The following FYCO1 variants were observed in gnomAD, a reference collection of about 807,000 sequenced individuals.
FYCO1 encodes the protein FYVE and coiled-coil domain autophagy adaptor 1.
Under a neutral mutation model 165.1 loss-of-function variants are expected in FYCO1, and 122 were observed. The observed-to-expected ratio is 0.74, with a 90% CI of 0.64 to 0.86. FYCO1 has a LOEUF of 0.86. Among genes scored for constraint, FYCO1 ranks in the 40% least tolerant of loss-of-function variants. The pLI, the probability that FYCO1 is intolerant of heterozygous loss-of-function variation, is 0.00. For missense variants in FYCO1, 1,702 were observed against 1,810.3 expected (o/e 0.94, Z 1.09); for synonymous variants, 648 against 742.5 (o/e 0.87, Z 2.07).
At chr3:45,992,369 A>C (rs983970870) in intron 1 of FYCO1, among the ~76,000 whole-genome samples, 3 of 152,196 alleles carry the variant, frequency 2.0e-5, no homozygotes, top group Admixed American at 6.5e-5. Context: ...AGCAGGACCC[A>C]GGATGGCTCT....
intron 1 of FYCO1, among the ~76,000 whole-genome samples, chr3:45,986,836 G>T (rs1460412109): frequency 6.6e-6 from 1 of 152,122 alleles, no homozygotes; most frequent in African/African-American, 2.4e-5. Flanking sequence ...AGCCAGAGAG[G>T]ATAAGAACCT....
In FYCO1 at chr3:45,923,700, G is replaced by A; in HGVS notation, c.4317C>T (p.Arg1439=). The A allele has an allele frequency of 6.2e-7, 1 of 1,614,168 alleles. No homozygotes were observed. Among genetic ancestry groups the A allele is most frequent in the Non-Finnish European group, 8.5e-7 (1 of 1,179,990 alleles). The change falls in exon 17 of 18, where the codon CGC becomes CGT. Residue 1439 remains arginine (R), a synonymous_variant. Coordinates refer to ENST00000296137, the MANE Select transcript of FYCO1 (RefSeq NM_024513.4). The part of the protein sequence containing the change: ...KENIQGQLKV[R]TPGIYMLIFD... ...AGATGAGCATGTAGATGCCGGGTGT[G>A]CGAACCTTGAGCTGGCCCTGGATGT...
intron 14 of FYCO1, chr3:45,946,893 T>C (rs758002445): frequency 1.9e-6 from 3 of 1,614,238 alleles, no homozygotes; most frequent in South Asian, 2.2e-5. Flanking sequence ...CACCAAGGCC[T>C]ACAACCAGCA....
intron 14 of FYCO1, among the ~76,000 whole-genome samples, chr3:45,937,853 G>A (rs891014016): frequency 2.0e-5 from 3 of 151,958 alleles, no homozygotes; most frequent in Non-Finnish European, 2.9e-5. Context: ...TTCCAGGCCC[G>A]CACCCTCACC....
intron 1 of FYCO1, among the ~76,000 whole-genome samples, chr3:45,992,743 G>A (rs1707619102): frequency 6.6e-6 from 1 of 152,184 alleles, no homozygotes; most frequent in African/African-American, 2.4e-5. Context: ...AGGCTTCTAA[G>A]TGTCCCCTCC....
chr3:45,988,515 CACCAGCGTAAG>C (rs1208195074), intron 1 of FYCO1, among the ~76,000 whole-genome samples: 1 of 152,206 alleles, frequency 6.6e-6, no homozygotes, highest in Non-Finnish European at 1.5e-5. Flanking sequence ...GCTGCCCCAG[CACCAGCGTAAG>C]GACTCCAGGA....
In FYCO1 at chr3:45,968,295, A is replaced by C; in HGVS notation, c.1039T>G (p.Leu347Val). The change falls in exon 8 of 18, where the codon TTG (leucine) becomes GTG (valine). Residue 347 changes from leucine to valine, a missense_variant. By Grantham distance (32) the Leu-to-Val change is conservative. Coordinates refer to ENST00000296137, the MANE Select transcript of FYCO1 (RefSeq NM_024513.4). ...LRRLESMLQP[L>V]AQELEATRDS... ...CGTGTGGCCTCAAGCTCCTGTGCCAAGGGCTGCAGCATGGACTCCAGCCGC... is the reference window on the plus strand; with the variant it reads ...CGTGTGGCCTCAAGCTCCTGTGCCACGGGCTGCAGCATGGACTCCAGCCGC... The C allele has an allele frequency of 6.2e-7, 1 of 1,613,898 alleles. No individual in the cohort carries two copies. The highest frequency in any genetic ancestry group is 1.1e-5 in the South Asian group (1 of 91,080).
intron 10 of FYCO1, among the ~76,000 whole-genome samples, chr3:45,963,954 G>A (rs1393554666): frequency 6.6e-6 from 1 of 152,224 alleles, no homozygotes; most frequent in African/African-American, 2.4e-5. Flanking sequence ...ATGGGTAAAT[G>A]TATGCAAAGT....
chr3:45,969,830 C>A, intron 6 of FYCO1, 65 bp from the exon 7 acceptor site: 1 of 1,385,856 alleles, frequency 7.2e-7, no homozygotes, highest in South Asian at 1.2e-5. Flanking sequence ...GGAGGCCTTG[C>A]TGGTCACTAG....
Position 45,921,633 on chromosome 3 carries a change from G to A in FYCO1, c.*132C>T, listed in dbSNP as rs886058563. 10 of 716,448 alleles carry A rather than the reference G, an allele frequency of 1.4e-5. No homozygotes were observed. Among genetic ancestry groups the A allele is most frequent in the East Asian group, 1.1e-4 (4 of 36,414 alleles). 44.4% of individuals were successfully genotyped at this position (716,448 alleles called of 1,614,324 possible). Reference sequence around the variant, plus strand: ...GAGCACAAAGTCCTCCCCAGACACCGCCTCTGAGGGGCAGCCCAGGGGCTG... The same window carrying A: ...GAGCACAAAGTCCTCCCCAGACACCACCTCTGAGGGGCAGCCCAGGGGCTG... On this transcript the variant is annotated 3_prime_UTR_variant, in exon 18 of 18. Transcript: ENST00000296137.
rs1407248636 is a variant in FYCO1, at chr3:45,919,419, G to C, written c.*2346C>G. ...CACATAGTTAGGAAGTCACCTCAGG[G>C]CACGGGGCAGTCCTCCGAATGCAGC... On this transcript the variant is annotated 3_prime_UTR_variant, in exon 18 of 18. Transcript: ENST00000296137. The C allele has an allele frequency of 1.3e-5, 2 of 152,180 alleles. No homozygotes were observed. Among genetic ancestry groups the C allele is most frequent in the South Asian group, 4.2e-4 (2 of 4,818 alleles). The allele number at this position is 152,180 out of a possible 1,614,324, so 9.4% of individuals were successfully genotyped here. A position where few individuals can be genotyped will look rare whatever the true frequency, so the allele number is the denominator to read the frequency against.
At position 45,936,802 on chromosome 3, in the gene FYCO1, C is replaced by T. The variant is rs147523930; in HGVS notation, c.3945-259G>A. Among the ~76,000 whole-genome samples the T allele has an allele frequency of 2.7e-4, 41 of 152,238 alleles. 1 individual carries two copies. In the South Asian group the frequency reaches 8.5e-3, roughly 32 times the overall value. ...TGGAGCAGCTGTAGGGAAGATACCT[C>T]CTGCTATAGGAAGGGTGAGCAGAAA... On this transcript the variant is annotated intron_variant, in intron 14 of 17. Coordinates refer to ENST00000296137, the MANE Select transcript of FYCO1 (RefSeq NM_024513.4).
In FYCO1 at chr3:45,920,732, T is replaced by C. The variant is rs956949191; in HGVS notation, c.*1033A>G. The C allele has an allele frequency of 6.5e-6, 1 of 152,712 alleles. No homozygotes were observed. Among genetic ancestry groups the C allele is most frequent in the African/African-American group, 2.4e-5 (1 of 41,444 alleles). The allele number at this position is 152,712 out of a possible 1,614,324, so 9.5% of individuals were successfully genotyped here. On this transcript the variant is annotated 3_prime_UTR_variant, in exon 18 of 18. Transcript: ENST00000296137. ...AGGGATCCATCATGCCTCTGTTTAC[T>C]CTGTTACTTTGGTTCTTAAGTTATC...
chr3:45,989,413 C>CT (rs943318308), intron 1 of FYCO1, among the ~76,000 whole-genome samples: 6 of 152,188 alleles, frequency 3.9e-5, no homozygotes, highest in African/African-American at 1.4e-4. Flanking sequence ...GGAGGTCCTG[C>CT]TGGCCCAGGG....
chr3:45,933,860 A>G (rs561808339), intron 15 of FYCO1, among the ~76,000 whole-genome samples: 49 of 152,246 alleles, frequency 3.2e-4, no homozygotes, highest in African/African-American at 1.2e-3. Context: ...GCAGCCATCA[A>G]AAAAAATGCT....
chr3:45,923,408 G>A (rs779124134), intron 17 of FYCO1, among the ~76,000 whole-genome samples: 22 of 152,172 alleles, frequency 1.4e-4, no homozygotes, highest in Non-Finnish European at 2.9e-4. Context: ...TCCACCACTG[G>A]CTCTGTGACT....
chr3:45,994,886 A>C (rs1256467617), intron 1 of FYCO1, among the ~76,000 whole-genome samples: 1 of 150,606 alleles, frequency 6.6e-6, no homozygotes, highest in Non-Finnish European at 1.5e-5. Context: ...CAGTTTCAAC[A>C]AGTGTTCTAT....
Position 45,966,559 on chromosome 3 carries a change from T to C in FYCO1, c.2775A>G (p.Ala925=), listed in dbSNP as rs1706029672. 6.2e-7 allele frequency: 1 copy of C among 1,614,188 alleles called. No individual in the cohort carries two copies. Among genetic ancestry groups the C allele is most frequent in the Non-Finnish European group, 8.5e-7 (1 of 1,180,036 alleles). The change falls in exon 8 of 18, where the codon GCA becomes GCG. Residue 925 remains alanine (A), a synonymous_variant. Transcript: ENST00000296137. ...GGAGCTCCTGGACAGCACAGGCCAG[T>C]GCCTCCTCCACTCGCTCCTTTTCCA... The part of the protein sequence containing the change: ...LTVEKERVEE[A]LACAVQELQD...
At chr3:45,949,576 C>T (rs542710971) in intron 14 of FYCO1, among the ~76,000 whole-genome samples, 2 of 152,288 alleles carry the variant, frequency 1.3e-5, no homozygotes, top group African/African-American at 2.4e-5. Flanking sequence ...GGATGCAGTA[C>T]CCCTGACCCA....
Sources: gnomAD v4.1 joint callset for allele counts (sites outside exome capture counted in the v4.1 genomes callset) on GRCh38, gnomAD v4.1.1 for gene constraint, MANE v1.5 for transcripts, NCBI Gene and HGNC (gene_info 2026-07-23, HGNC 2026-07-21) for gene names.